TMC5: variants seen among roughly 807,000 people sequenced by gnomAD.
TMC5 encodes transmembrane channel-like protein 5.
In TMC5, 86 loss-of-function variants were observed where a neutral mutation model predicts 110.5. That is an observed-to-expected ratio of 0.78 (90% CI 0.65 to 0.93). The LOEUF (loss-of-function observed/expected upper bound fraction) is 0.93. Among genes scored for constraint, TMC5 ranks in the 40% least tolerant of loss-of-function variants. The pLI is 0.00. For missense variants in TMC5, 1,144 were observed against 1,222.8 expected (o/e 0.94, Z 0.96); for synonymous variants, 455 against 439.5 (o/e 1.04, Z -0.44).
chr16:19,421,112 T>A (rs946216368), intron 1 of TMC5, among the ~76,000 whole-genome samples: 10 of 152,204 alleles, frequency 6.6e-5, no homozygotes, highest in African/African-American at 2.4e-4. Context: ...TCAGTCAGTG[T>A]GGCACTGAGA....
intron 2 of TMC5, among the ~76,000 whole-genome samples, chr16:19,438,884 C>A (rs1340911099): frequency 1.3e-5 from 2 of 152,194 alleles, no homozygotes; most frequent in Non-Finnish European, 2.9e-5. Context: ...GGGACAGCCT[C>A]CCCAGCCAGA....
chr16:19,415,901 C>A (rs1426029182), upstream of TMC5, among the ~76,000 whole-genome samples: 2 of 152,192 alleles, frequency 1.3e-5, no homozygotes. Context: ...AAGATTGGGG[C>A]TGGGTGCAGT....
At position 19,469,564 on chromosome 16, in the gene TMC5, G is replaced by T. The variant is rs1968273060; in HGVS notation, c.1638-117G>T. 4.6e-6 allele frequency: 6 copies of T among 1,293,198 alleles called. No homozygotes were observed. In the South Asian group the frequency reaches 5.4e-5, roughly 12 times the overall value. The allele number at this position is 1,293,198 out of a possible 1,614,324, so 80.1% of individuals were successfully genotyped here. On this transcript the variant is annotated intron_variant, in intron 9 of 21. Transcript: ENST00000542583. ...ACACCGCTCCAGGCCAACAGCTTGG[G>T]GCTAAGTCTTCACGTTGCCTTTCAC... is the stretch of plus-strand genomic sequence containing the variant.
chr16:19,491,538 T>TTC (rs1440510819), intron 18 of TMC5, among the ~76,000 whole-genome samples: 4 of 147,482 alleles, frequency 2.7e-5, no homozygotes, highest in African/African-American at 1.0e-4. Context: ...TAGGGATTTT[T>TTC]TTTTTTTTTT....
chr16:19,441,353 T>C (rs963141900), intron 3 of TMC5, among the ~76,000 whole-genome samples: 1 of 151,896 alleles, frequency 6.6e-6, no homozygotes, highest in Non-Finnish European at 1.5e-5. Context: ...AGGGTCTTGC[T>C]ATGTCACCCA....
chr16:19,431,298 T>G (rs527793139), intron 2 of TMC5, among the ~76,000 whole-genome samples: 2 of 152,118 alleles, frequency 1.3e-5, no homozygotes, highest in African/African-American at 4.8e-5. Flanking sequence ...CCCAGCACTT[T>G]GGGAGGCCAA....
chr16:19,475,804 T>C (rs112597878), intron 12 of TMC5, among the ~76,000 whole-genome samples: 4,289 of 132,220 alleles, frequency 0.032, 219 homozygotes, highest in African/African-American at 0.14. Flanking sequence ...TTTTCTTTCT[T>C]TTTTTTTTTT....
At position 19,474,367 on chromosome 16, in the gene TMC5, T is replaced by C. The variant is rs976886013; in HGVS notation, c.2090+91T>C. On this transcript the variant is annotated intron_variant, in intron 12 of 21. Transcript: ENST00000542583. Reference sequence around the variant, plus strand: ...AAAGGATTATGCTTTAGTATCAAAGTTTTTTCTCCAGAGAGGAAGAATTTC... The same window carrying C: ...AAAGGATTATGCTTTAGTATCAAAGCTTTTTCTCCAGAGAGGAAGAATTTC... The C allele has an allele frequency of 1.1e-5, 16 of 1,408,082 alleles. No individual in the cohort carries two copies. The African/African-American group carries it at 1.9e-4, about 17-fold the overall frequency. The allele number at this position is 1,408,082 out of a possible 1,614,324, so 87.2% of individuals were successfully genotyped here.
At chr16:19,436,300 A>T (rs1484444817) in intron 2 of TMC5, among the ~76,000 whole-genome samples, 2 of 143,104 alleles carry the variant, frequency 1.4e-5, no homozygotes, top group Non-Finnish European at 3.1e-5. Context: ...GAAAAAGAAA[A>T]AGAAAAACAG....
chr16:19,443,309 T>C (rs934963367), intron 3 of TMC5, among the ~76,000 whole-genome samples: 2 of 152,236 alleles, frequency 1.3e-5, no homozygotes, highest in Non-Finnish European at 2.9e-5. Flanking sequence ...TTCCTTTATA[T>C]ATTCAGCACT....
Position 19,465,304 on chromosome 16 carries a change from C to T in TMC5, c.1486-778C>T, listed in dbSNP as rs192579094. On this transcript the variant is annotated intron_variant, in intron 8 of 21. Coordinates refer to ENST00000542583, the MANE Select transcript of TMC5 (RefSeq NM_001261841.2). ...ATCCCAGCACTTTGGGAGGCCGAGG[C>T]GGGTGGATCACTTGAAGTCAGAAGT... Among the ~76,000 whole-genome samples the T allele has an allele frequency of 6.3e-3, 953 of 152,064 alleles. 4 individuals carry two copies. The highest frequency in any genetic ancestry group is 0.01 in the Non-Finnish European group (685 of 68,000).
At chr16:19,469,885 A>T (rs960816535) in intron 10 of TMC5, 60 bp downstream of exon 10, 1 of 1,546,616 alleles carries the variant, frequency 6.5e-7, no homozygotes, top group African/African-American at 1.4e-5. Flanking sequence ...TCTCCAGTAT[A>T]CCTGTAACTT....
At chr16:19,472,970 G>A (rs73540139) in intron 11 of TMC5, among the ~76,000 whole-genome samples, 1,850 of 152,228 alleles carry the variant, frequency 0.012, 38 homozygotes, top group African/African-American at 0.042. Flanking sequence ...TAGCAGAAGT[G>A]CAGTCCCGGC....
rs1967459938 is a variant in TMC5, at chr16:19,440,467, T to A, written c.429T>A (p.Ser143Arg). ...CTGATTTTGCAGGCTCCAGCAGCAGTGGAAACTATGCAGGCTCCAGAACAC... is the reference window on the plus strand; with the variant it reads ...CTGATTTTGCAGGCTCCAGCAGCAGAGGAAACTATGCAGGCTCCAGAACAC... ...RNPDFAGSSS[S>R]GNYAGSRTHP... The change falls in exon 3 of 22, where the codon AGT (serine) becomes AGA (arginine). Residue 143 changes from serine to arginine, a missense_variant. By Grantham distance (110) the Ser-to-Arg change is moderately radical. Coordinates refer to ENST00000542583, the MANE Select transcript of TMC5 (RefSeq NM_001261841.2). The A allele has an allele frequency of 6.2e-7, 1 of 1,614,084 alleles. No homozygotes were observed. Among genetic ancestry groups the A allele is most frequent in the African/African-American group, 1.3e-5 (1 of 74,992 alleles).
At chr16:19,472,056 C>T in intron 10 of TMC5, 32 bp from the exon 11 acceptor site, 1 of 1,610,646 alleles carries the variant, frequency 6.2e-7, no homozygotes, top group Non-Finnish European at 8.5e-7. Flanking sequence ...CCACCATGCC[C>T]AGCCATAAAC....
Position 19,445,261 on chromosome 16 carries a change from G to GT in TMC5, c.958+1025dup, listed in dbSNP as rs111537341. ...CAGGAGGCAAAGGAAATTCTAAACA[G>GT]TTTTTTTTTTTTTTAAGACAGTGTC... On this transcript the variant is annotated intron_variant, in intron 4 of 21. Transcript: ENST00000542583. Among the ~76,000 whole-genome samples, 648 of 145,116 alleles carry GT rather than the reference G, an allele frequency of 4.5e-3. 1 individual carries two copies. Among genetic ancestry groups the GT allele is most frequent in the South Asian group, 0.013 (58 of 4,540 alleles).
intron 3 of TMC5, among the ~76,000 whole-genome samples, chr16:19,442,942 CT>C (rs1307050863): frequency 6.6e-6 from 1 of 152,186 alleles, no homozygotes; most frequent in Non-Finnish European, 1.5e-5. Flanking sequence ...CACTCCTTTG[CT>C]TTTCATCGTC....
chr16:19,415,475 A>C (rs1226860721), upstream of TMC5, among the ~76,000 whole-genome samples: 1 of 152,222 alleles, frequency 6.6e-6, no homozygotes, highest in African/African-American at 2.4e-5. Context: ...GAAGCCGGAC[A>C]TACTGCTAAA....
intron 5 of TMC5, among the ~76,000 whole-genome samples, chr16:19,452,205 A>G (rs1035756154): frequency 4.6e-5 from 7 of 152,212 alleles, no homozygotes; most frequent in Non-Finnish European, 7.3e-5. Flanking sequence ...ACTTATGTTT[A>G]CTGGCTTATT....
Sources: allele counts gnomAD v4.1 joint callset (sites outside exome capture counted in the v4.1 genomes callset), GRCh38; gene constraint gnomAD v4.1.1; transcripts MANE v1.5; gene names NCBI Gene and HGNC (gene_info 2026-07-23, HGNC 2026-07-21).